The following ARHGAP28 variants were observed in gnomAD, a reference collection of about 807,000 sequenced individuals.
The protein encoded by ARHGAP28 is Rho GTPase activating protein 28, also known as rho GTPase-activating protein 28.
ARHGAP28 carries 56 observed loss-of-function variants against 90.7 expected under a neutral mutation model. The ratio of observed to expected loss-of-function variants is 0.62; its 90% CI spans 0.50 to 0.77. The LOEUF (loss-of-function observed/expected upper bound fraction) is 0.77. Ranked by LOEUF, ARHGAP28 falls within the 30% of genes least tolerant of loss-of-function variation. The pLI is 0.00. For synonymous variants in ARHGAP28, 308 were observed against 323.3 expected (o/e 0.95, Z 0.51); for missense variants, 869 against 900.9 (o/e 0.96, Z 0.45).
At chr18:6,824,429 C>A (rs555693753) in intron 1 of ARHGAP28, among the ~76,000 whole-genome samples, 3 of 151,992 alleles carry the variant, frequency 2.0e-5, no homozygotes, top group African/African-American at 4.8e-5. Flanking sequence ...CCCAGCTACT[C>A]GGGAGGCAAA....
At chr18:6,785,967 A>G (rs915315639) in intron 1 of ARHGAP28, among the ~76,000 whole-genome samples, 2 of 152,236 alleles carry the variant, frequency 1.3e-5, no homozygotes, top group African/African-American at 4.8e-5. Context: ...TGTACTGGGT[A>G]GAGATCTAAA....
chr18:6,736,308 T>G (rs2055926587), intron 1 of ARHGAP28, among the ~76,000 whole-genome samples: 1 of 152,188 alleles, frequency 6.6e-6, no homozygotes, highest in African/African-American at 2.4e-5. Context: ...CTACTCTTTT[T>G]TTTTTTCAGT....
intron 15 of ARHGAP28, 128 bp downstream of exon 15, chr18:6,895,019 A>G (rs2057294715): frequency 1.1e-6 from 1 of 942,722 alleles, no homozygotes; most frequent in Non-Finnish European, 1.7e-6. Context: ...AATGTGGCAC[A>G]TAAAGGAATG....
At position 6,824,923 on chromosome 18, in the gene ARHGAP28, G is replaced by A. The variant is rs182163553; in HGVS notation, c.284G>A (p.Gly95Glu). The change falls in exon 2 of 18, where the codon GGG becomes GAG. Residue 95 changes from glycine (G) to glutamate (E), a missense_variant. Gly to Glu is a moderately conservative substitution (Grantham distance 98, BLOSUM62 -2). Transcript: ENST00000383472. ...AGTATTAAAGACAGCAGCATGGGAG[G>A]GCAAGAAGAGCCACCGCCAGCTGAG... ...IESIKDSSMG[G>E]QEEPPPAEVT... 1.3e-6 allele frequency: 2 copies of A among 1,535,672 alleles called. No homozygotes were observed. The highest frequency in any genetic ancestry group is 4.9e-5 in the East Asian group (2 of 40,884).
chr18:6,861,882 G>A (rs1180103529), intron 5 of ARHGAP28, among the ~76,000 whole-genome samples: 1 of 152,228 alleles, frequency 6.6e-6, no homozygotes, highest in Non-Finnish European at 1.5e-5. Flanking sequence ...ATAAGAGAAA[G>A]AAAAGGGTCT....
intron 2 of ARHGAP28, among the ~76,000 whole-genome samples, chr18:6,831,358 C>T (rs1205246280): frequency 6.6e-6 from 1 of 151,542 alleles, no homozygotes; most frequent in East Asian, 1.9e-4. Context: ...TTTCTCACTG[C>T]TTGTGACTTG....
chr18:6,891,491 C>G lies in ARHGAP28; in HGVS notation c.1848+948C>G, dbSNP rs576173741. On this transcript the variant is annotated intron_variant, in intron 14 of 17. Transcript: ENST00000383472. The stretch of plus-strand genomic sequence containing the variant: ...GTAGAGTAGGGTTTCACCATGTTGG[C>G]CAGGCTGATCTTGAACTCCTAACCT... Among the ~76,000 whole-genome samples, 3 of 152,132 alleles carry G rather than the reference C, an allele frequency of 2.0e-5. No individual in the cohort carries two copies. The South Asian group carries it at 6.2e-4, about 32-fold the overall frequency.
intron 4 of ARHGAP28, among the ~76,000 whole-genome samples, chr18:6,858,370 A>T (rs1165513960): frequency 2.0e-5 from 3 of 152,114 alleles, no homozygotes; most frequent in African/African-American, 7.2e-5. Flanking sequence ...TTATCAAACC[A>T]ATCCCATTTG....
intron 1 of ARHGAP28, among the ~76,000 whole-genome samples, chr18:6,757,983 G>T (rs1057013247): frequency 6.6e-6 from 1 of 152,114 alleles, no homozygotes; most frequent in African/African-American, 2.4e-5. Flanking sequence ...GCATTCCTAA[G>T]CCGAGCTATA....
chr18:6,755,727 TGTG>T lies in ARHGAP28; in HGVS notation c.122+25787_122+25789del, dbSNP rs568261047. On this transcript the variant is annotated intron_variant, in intron 1 of 17. Transcript: ENST00000383472. ...GGGGTTTTCTGAGCAAACCAGAACA[TGTG>T]GTCATCTTATGCCTGAGTCCAAATA... Among the ~76,000 whole-genome samples the T allele has an allele frequency of 4.2e-4, 64 of 152,326 alleles. No individual in the cohort carries two copies. The East Asian group carries it at 0.012, about 28-fold the overall frequency.
intron 1 of ARHGAP28, among the ~76,000 whole-genome samples, chr18:6,764,259 C>T (rs1337187002): frequency 6.6e-6 from 1 of 152,102 alleles, no homozygotes; most frequent in African/African-American, 2.4e-5. Flanking sequence ...AGTGTATAAG[C>T]CCACGTCCAA....
chr18:6,828,384 G>GGAGGAGA (rs371085342), intron 2 of ARHGAP28, among the ~76,000 whole-genome samples: 10,444 of 151,690 alleles, frequency 0.069, 931 homozygotes, highest in African/African-American at 0.21. Flanking sequence ...GAGAGACAGA[G>GGAGGAGA]GAGGAGAGAG....
chr18:6,793,161 A>T (rs563792930), intron 1 of ARHGAP28, among the ~76,000 whole-genome samples: 1 of 152,198 alleles, frequency 6.6e-6, no homozygotes, highest in Non-Finnish European at 1.5e-5. Flanking sequence ...ATTTCTTCAT[A>T]ATTAACACAC....
At chr18:6,895,435 A>G (rs927384920) in intron 15 of ARHGAP28, among the ~76,000 whole-genome samples, 2 of 152,246 alleles carry the variant, frequency 1.3e-5, no homozygotes, top group Non-Finnish European at 2.9e-5. Context: ...CTGGCATAAA[A>G]CAATAGACAT....
chr18:6,840,111 G>C (rs757286517), intron 3 of ARHGAP28, among the ~76,000 whole-genome samples: 1 of 152,144 alleles, frequency 6.6e-6, no homozygotes, highest in Non-Finnish European at 1.5e-5. Flanking sequence ...CCAGCTGGTG[G>C]GAGACTAGAA....
intron 1 of ARHGAP28, among the ~76,000 whole-genome samples, chr18:6,797,181 A>G (rs1351858692): frequency 6.6e-6 from 1 of 152,132 alleles, no homozygotes; most frequent in African/African-American, 2.4e-5. Context: ...TGATTTGTGA[A>G]GAGGTGTGTT....
At chr18:6,832,453 T>C (rs1008244790) in intron 2 of ARHGAP28, among the ~76,000 whole-genome samples, 1 of 152,072 alleles carries the variant, frequency 6.6e-6, no homozygotes, top group Admixed American at 6.5e-5. Context: ...TATTATGTTC[T>C]TACTAATCTT....
At position 6,729,868 on chromosome 18, in the gene ARHGAP28, C is replaced by A; in HGVS notation, c.47C>A (p.Ser16Ter). 1 of 1,435,684 alleles carries A rather than the reference C, an allele frequency of 7.0e-7. No homozygotes were observed. The highest frequency in any genetic ancestry group is 9.1e-7 in the Non-Finnish European group (1 of 1,097,694). 88.9% of individuals were successfully genotyped at this position (1,435,684 alleles called of 1,614,324 possible). A position where few individuals can be genotyped will look rare whatever the true frequency, so the allele number is the denominator to read the frequency against. The change falls in exon 1 of 18, where the codon TCG becomes TAG. Residue 16 changes from serine (S) to a stop codon, truncating the protein, a stop_gained. Coordinates refer to ENST00000383472, the MANE Select transcript of ARHGAP28 (RefSeq NM_001366230.1). LOFTEE classifies it high-confidence loss of function. ...SGGVVLTAYH[S>*]YARAQPPNAE... is the part of the protein sequence containing the mutation. ...GGCGTGGTGCTGACCGCCTACCACT[C>A]GTACGCGCGCGCCCAGCCCCCCAAC... is the stretch of plus-strand genomic sequence containing the variant.
intron 1 of ARHGAP28, among the ~76,000 whole-genome samples, chr18:6,731,824 C>T (rs1567928473): frequency 6.6e-6 from 1 of 152,218 alleles, no homozygotes; most frequent in Non-Finnish European, 1.5e-5. Context: ...ACCTTTGACT[C>T]ACTAACTAAT....
Sources: allele counts gnomAD v4.1 joint callset (sites outside exome capture counted in the v4.1 genomes callset), GRCh38; gene constraint gnomAD v4.1.1; transcripts MANE v1.5; gene names NCBI Gene and HGNC (gene_info 2026-07-23, HGNC 2026-07-21).